The following CEP112 variants were observed in gnomAD, a reference collection of about 807,000 sequenced individuals.
The protein encoded by CEP112 is centrosomal protein of 112 kDa.
CEP112 carries 127 observed loss-of-function variants against 153.0 expected under a neutral mutation model. The ratio of observed to expected loss-of-function variants is 0.83; its 90% CI spans 0.72 to 0.96. The LOEUF (loss-of-function observed/expected upper bound fraction) is 0.96, where lower values mean the gene tolerates loss of function less well. CEP112 is among the 40% of genes least tolerant of loss of function. The pLI, the probability that CEP112 is intolerant of heterozygous loss-of-function variation, is 0.00. For synonymous variants in CEP112, 358 were observed against 374.4 expected (o/e 0.96, Z 0.51); for missense variants, 1,089 against 1,101.2 (o/e 0.99, Z 0.16).
rs138510688 is a variant in CEP112, at chr17:66,047,114, ATT to A, written c.1218+6620_1218+6621del. ...TTTATTTATTTTTATTTTCATTTTT[ATT>A]TTATTTATTTATTTTTTTGAGATGG... On this transcript the variant is annotated intron_variant, in intron 12 of 26. Transcript: ENST00000535342. Among the ~76,000 whole-genome samples, 1,468 of 151,924 alleles carry A rather than the reference ATT, an allele frequency of 9.7e-3. 18 individuals carry two copies. The highest frequency in any genetic ancestry group is 0.034 in the African/African-American group (1,394 of 41,430).
At chr17:66,053,953 G>T in intron 11 of CEP112, 74 bp from the exon 12 acceptor site, 7 of 1,255,644 alleles carry the variant, frequency 5.6e-6, no homozygotes, top group Non-Finnish European at 7.8e-6. Context: ...CGGAAAAAAT[G>T]GTTTCTATAT....
At chr17:66,130,441 A>G (rs2070085129) in intron 5 of CEP112, among the ~76,000 whole-genome samples, 2 of 152,080 alleles carry the variant, frequency 1.3e-5, no homozygotes, top group Admixed American at 6.5e-5. Flanking sequence ...TCACTCACAC[A>G]CTGAACATAA....
intron 9 of CEP112, among the ~76,000 whole-genome samples, chr17:66,069,004 GT>G (rs982681596): frequency 2.0e-5 from 3 of 150,446 alleles, no homozygotes; most frequent in South Asian, 2.1e-4. Flanking sequence ...GGAGAGTTCA[GT>G]TTTTTTTTCT....
chr17:65,980,607 C>T (rs1318128614), intron 17 of CEP112, among the ~76,000 whole-genome samples: 3 of 152,132 alleles, frequency 2.0e-5, no homozygotes, highest in African/African-American at 7.2e-5. Context: ...CAAAACTTAG[C>T]TTATTGGCAA....
Position 65,951,749 on chromosome 17 carries a change from C to CCCCGCCG in CEP112, c.1872+9713_1872+9714insCGGCGGG, listed in dbSNP as rs71160510. 5.3e-3 allele frequency among the ~76,000 whole-genome samples: 567 copies of CCCCGCCG among 106,242 alleles called. 64 individuals carry two copies. The highest frequency in any genetic ancestry group is 8.0e-3 in the Non-Finnish European group (405 of 50,352). 69.7% of individuals were successfully genotyped at this position (106,242 alleles called of 152,430 possible). ...TCTGCTCTAATCTTCCCCCGCCCCC[C>CCCCGCCG]CCTTTCTTCCACTTGCTTAGAAGCT... is the stretch of plus-strand genomic sequence containing the variant. On this transcript the variant is annotated intron_variant, in intron 18 of 26. Coordinates refer to ENST00000535342, the MANE Select transcript of CEP112 (RefSeq NM_001199165.4).
intron 21 of CEP112, among the ~76,000 whole-genome samples, chr17:65,758,063 G>C (rs1598486287): frequency 2.0e-5 from 3 of 152,184 alleles, no homozygotes; most frequent in South Asian, 2.1e-4. Flanking sequence ...CAAACTCCTA[G>C]GCTCAAAGGA....
At chr17:65,895,190 C>T (rs1348246384) in intron 20 of CEP112, among the ~76,000 whole-genome samples, 1 of 152,024 alleles carries the variant, frequency 6.6e-6, no homozygotes, top group Non-Finnish European at 1.5e-5. Flanking sequence ...TACATATAGT[C>T]ATCTTCTGAC....
rs188477924 is a variant in CEP112, at chr17:65,881,177, A to T, written c.2163+20975T>A. Among the ~76,000 whole-genome samples the T allele has an allele frequency of 3.8e-3, 579 of 152,288 alleles. 2 individuals are homozygous for T. Among genetic ancestry groups the T allele is most frequent in the African/African-American group, 0.013 (559 of 41,560 alleles). On this transcript the variant is annotated intron_variant, in intron 20 of 26. Coordinates refer to ENST00000535342, the MANE Select transcript of CEP112 (RefSeq NM_001199165.4). The stretch of plus-strand genomic sequence containing the variant: ...GTTTGCAGTGAGCCGAGATAGCGCC[A>T]CTGCACTCCAGCCTGGGCGACAGAG...
At chr17:65,977,648 G>A (rs1050642974) in intron 17 of CEP112, among the ~76,000 whole-genome samples, 1 of 152,152 alleles carries the variant, frequency 6.6e-6, no homozygotes, top group Non-Finnish European at 1.5e-5. Flanking sequence ...GGGGTTAAGT[G>A]AGGAATAAGT....
chr17:65,643,081 CT>C (rs761261879), intron 24 of CEP112, among the ~76,000 whole-genome samples: 9 of 151,990 alleles, frequency 5.9e-5, no homozygotes, highest in Admixed American at 1.3e-4. Context: ...GGAGTGTGTC[CT>C]TTGGGTAGCA....
chr17:65,769,903 G>C (rs1202289986), intron 21 of CEP112, among the ~76,000 whole-genome samples: 1 of 151,872 alleles, frequency 6.6e-6, no homozygotes, highest in Non-Finnish European at 1.5e-5. Flanking sequence ...TACATGCCAG[G>C]GCAGAAACTG....
intron 22 of CEP112, 87 bp downstream of exon 22, chr17:65,750,575 T>C (rs1267110445): frequency 2.7e-6 from 3 of 1,100,310 alleles, no homozygotes; most frequent in Admixed American, 1.8e-5. Flanking sequence ...AAGAATGAAG[T>C]TTAACTTGAA....
intron 10 of CEP112, among the ~76,000 whole-genome samples, chr17:66,064,877 G>A (rs957095010): frequency 6.6e-6 from 1 of 152,086 alleles, no homozygotes; most frequent in African/African-American, 2.4e-5. Flanking sequence ...AAACCTAAAC[G>A]AATTTATAAT....
At chr17:65,668,232 C>T (rs559180911) in intron 24 of CEP112, among the ~76,000 whole-genome samples, 1 of 152,228 alleles carries the variant, frequency 6.6e-6, no homozygotes, top group South Asian at 2.1e-4. Context: ...TACTCCATTT[C>T]AATAAACTAT....
At chr17:65,913,694 T>G in intron 19 of CEP112, 3 of 985,466 alleles carry the variant, frequency 3.0e-6, no homozygotes, top group Non-Finnish European at 3.6e-6. Context: ...CAGCATACAC[T>G]GCTTCTTTAT....
chr17:66,016,415 G>A (rs1403889355), intron 16 of CEP112, among the ~76,000 whole-genome samples: 1 of 152,142 alleles, frequency 6.6e-6, no homozygotes, highest in Non-Finnish European at 1.5e-5. Context: ...GTGTCTCTAA[G>A]TGTGATCTCT....
chr17:65,963,363 A>G (rs1254685756), intron 17 of CEP112, among the ~76,000 whole-genome samples: 2 of 152,208 alleles, frequency 1.3e-5, no homozygotes, highest in Admixed American at 6.5e-5. Flanking sequence ...AGATGATGCA[A>G]TCTTTTAAGA....
In CEP112 at chr17:65,635,817, G is replaced by A; in HGVS notation, c.*154C>T. ...ACACAAATAAAACCACCCCACTAGT[G>A]TATGAATGATGCATGTTTTTATGAT... On this transcript the variant is annotated 3_prime_UTR_variant, in exon 27 of 27. Transcript: ENST00000535342. 3 of 739,034 alleles carry A rather than the reference G, an allele frequency of 4.1e-6. No individual in the cohort carries two copies. Among genetic ancestry groups the A allele is most frequent in the South Asian group, 3.8e-5 (2 of 53,178 alleles). The allele number at this position is 739,034 out of a possible 1,614,324, so 45.8% of individuals were successfully genotyped here.
At chr17:65,973,825 G>C (rs1187151063) in intron 17 of CEP112, among the ~76,000 whole-genome samples, 1 of 152,076 alleles carries the variant, frequency 6.6e-6, no homozygotes, top group Non-Finnish European at 1.5e-5. Flanking sequence ...TTTTGAATTG[G>C]TAGTTTCATG....
Sources: allele counts gnomAD v4.1 joint callset (sites outside exome capture counted in the v4.1 genomes callset), GRCh38; gene constraint gnomAD v4.1.1; transcripts MANE v1.5; gene names NCBI Gene and HGNC (gene_info 2026-07-23, HGNC 2026-07-21).